Variants in A1CF observed in about 807,000 individuals in gnomAD.
A1CF encodes APOBEC-1 stimulating protein.
Under a neutral mutation model 68.9 loss-of-function variants are expected in A1CF, and 48 were observed. The observed-to-expected ratio is 0.70, with a 90% CI of 0.55 to 0.89. A1CF has a LOEUF of 0.89. Ranked by LOEUF, A1CF falls within the 40% of genes least tolerant of loss-of-function variation. The probability of loss-of-function intolerance (pLI) is 0.00; values close to 1 mark genes in which losing one functional copy is unlikely to be tolerated. For synonymous variants in A1CF, 272 were observed against 260.4 expected (o/e 1.04, Z -0.43); for missense variants, 653 against 718.9 (o/e 0.91, Z 1.05).
At position 50,854,080 on chromosome 10, in the gene A1CF, T is replaced by C. The variant is rs527588706; in HGVS notation, c.99+5762A>G. On this transcript the variant is annotated intron_variant, in intron 3 of 12. Transcript: ENST00000373997. The stretch of plus-strand genomic sequence containing the variant: ...AAGTTTTTTTCCATGATTTTTTTCT[T>C]TTCTTTTTTTTAACTCCTGACTGAC... Among the ~76,000 whole-genome samples, 251 of 152,104 alleles carry C rather than the reference T, an allele frequency of 1.7e-3. 3 individuals carry two copies. Among genetic ancestry groups the C allele is most frequent in the African/African-American group, 5.7e-3 (237 of 41,514 alleles).
chr10:50,873,386 C>G (rs1032888872), intron 1 of A1CF, among the ~76,000 whole-genome samples: 5 of 152,052 alleles, frequency 3.3e-5, no homozygotes, highest in Non-Finnish European at 5.9e-5. Flanking sequence ...GTAATCAAAG[C>G]CCCAAGTGCT....
rs1322480322 is a variant in A1CF, at chr10:50,802,623, T to C, written c.*4106A>G. On this transcript the variant is annotated 3_prime_UTR_variant, in exon 13 of 13. Coordinates refer to ENST00000373997, the MANE Select transcript of A1CF (RefSeq NM_014576.4). ...TGCAAGAAGAGAATAATCATGACTT[T>C]ATGTGAATATTGAGCACATAGTTCA... The C allele has an allele frequency of 6.6e-6, 1 of 152,192 alleles. No homozygotes were observed. Among genetic ancestry groups the C allele is most frequent in the African/African-American group, 2.4e-5 (1 of 41,472 alleles). The allele number at this position is 152,192 out of a possible 1,614,324, so 9.4% of individuals were successfully genotyped here.
chr10:50,833,469 T>G (rs2132417288), intron 6 of A1CF, among the ~76,000 whole-genome samples: 1 of 152,272 alleles, frequency 6.6e-6, no homozygotes, highest in South Asian at 2.1e-4. Context: ...TGTAAAGAGC[T>G]CAATAAAGGT....
At chr10:50,875,891 G>T (rs1450650947) in intron 1 of A1CF, among the ~76,000 whole-genome samples, 1 of 152,196 alleles carries the variant, frequency 6.6e-6, no homozygotes, top group African/African-American at 2.4e-5. Flanking sequence ...TAACTAGAAA[G>T]AAACAGTTCA....
chr10:50,847,116 G>C (rs892372027), intron 3 of A1CF, among the ~76,000 whole-genome samples: 6 of 152,170 alleles, frequency 3.9e-5, no homozygotes, highest in African/African-American at 1.4e-4. Flanking sequence ...TTCTCTCCTA[G>C]CTGATGTCTT....
At chr10:50,858,698 A>G (rs938975626) in intron 3 of A1CF, among the ~76,000 whole-genome samples, 3 of 152,154 alleles carry the variant, frequency 2.0e-5, no homozygotes, top group Non-Finnish European at 2.9e-5. Context: ...TCTTGATTGT[A>G]TAACATCTAT....
rs972886080 is a variant in A1CF at position 50,801,851 on chromosome 10, T to C, written c.*4878A>G. ...TTTCTAAATTGGCTATGAATTTCAT[T>C]ATTAGTGAGAGTACAAGGTTTTCTT... On this transcript the variant is annotated 3_prime_UTR_variant, in exon 13 of 13. Transcript: ENST00000373997. 2 of 152,188 alleles carry C rather than the reference T, an allele frequency of 1.3e-5. No homozygotes were observed. Among genetic ancestry groups the C allele is most frequent in the Non-Finnish European group, 2.9e-5 (2 of 68,032 alleles). 9.4% of individuals were successfully genotyped at this position (152,188 alleles called of 1,614,324 possible).
In A1CF at chr10:50,800,824, G is replaced by T. The variant is rs1294373163; in HGVS notation, c.*5905C>A. 6.6e-6 allele frequency: 1 copy of T among 152,132 alleles called. No individual in the cohort carries two copies. Among genetic ancestry groups the T allele is most frequent in the African/African-American group, 2.4e-5 (1 of 41,426 alleles). 9.4% of individuals were successfully genotyped at this position (152,132 alleles called of 1,614,324 possible). The stretch of plus-strand genomic sequence containing the variant: ...GATGTGAGGATTTTTCGTGAAGAAT[G>T]GTTGATGAACAATCATAATGATGAA... On this transcript the variant is annotated 3_prime_UTR_variant, in exon 13 of 13. Coordinates refer to ENST00000373997, the MANE Select transcript of A1CF (RefSeq NM_014576.4).
rs34190540 is a variant in A1CF, at chr10:50,806,834, G to A, written c.1656C>T (p.Leu552=). 8 of 1,613,536 alleles carry A rather than the reference G, an allele frequency of 5.0e-6. No homozygotes were observed. Among genetic ancestry groups the A allele is most frequent in the Non-Finnish European group, 6.8e-6 (8 of 1,179,694 alleles). ...NATAPVSAAQ[L]KQAVTLGQDL... ...CTTGTCCAAGGGTTACCGCTTGCTT[G>A]AGCTGGGCTGCAGACACGGGTGCAG... is the stretch of plus-strand genomic sequence containing the variant. The change falls in exon 13 of 13, where the codon CTC becomes CTT. Residue 552 remains leucine, a synonymous_variant. Coordinates refer to ENST00000373997, the MANE Select transcript of A1CF (RefSeq NM_014576.4).
At chr10:50,822,543 G>C (rs764014850) in intron 7 of A1CF, 5 of 152,072 alleles carry the variant, frequency 3.3e-5, no homozygotes, top group Non-Finnish European at 7.3e-5. Context: ...AATGATAGTC[G>C]GCCTGTAACA....
intron 3 of A1CF, chr10:50,850,581 AC>A: frequency 6.5e-7 from 1 of 1,545,402 alleles, no homozygotes; most frequent in Non-Finnish European, 8.9e-7. Context: ...AAATTAGAAA[AC>A]AAAAAGCATT....
intron 1 of A1CF, among the ~76,000 whole-genome samples, chr10:50,876,717 C>G (rs997829515): frequency 6.6e-6 from 1 of 152,148 alleles, no homozygotes. Flanking sequence ...GCATGGGCTC[C>G]CCTGAATCTC....
At chr10:50,839,144 A>G (rs2132441615) in intron 5 of A1CF, among the ~76,000 whole-genome samples, 1 of 152,314 alleles carries the variant, frequency 6.6e-6, no homozygotes, top group South Asian at 2.1e-4. Flanking sequence ...GATACTGTTA[A>G]TTATCAGTGG....
chr10:50,869,472 C>G (rs1042584396), intron 1 of A1CF, among the ~76,000 whole-genome samples: 1 of 152,006 alleles, frequency 6.6e-6, no homozygotes, highest in Non-Finnish European at 1.5e-5. Context: ...TTTATATTGC[C>G]TTACTAATGG....
At position 50,811,298 on chromosome 10, in the gene A1CF, A is replaced by G. The variant is rs10994575; in HGVS notation, c.1324-122T>C. On this transcript the variant is annotated intron_variant, in intron 10 of 12. Transcript: ENST00000373997. ...CTAGTATCTGAAGACATAAAATGCC[A>G]CATGATTTAATGACTCATAAAATTT... 8.7e-6 allele frequency: 8 copies of G among 924,586 alleles called. No homozygotes were observed. The East Asian group carries it at 1.9e-4, about 22-fold the overall frequency. 57.3% of individuals were successfully genotyped at this position (924,586 alleles called of 1,614,324 possible).
chr10:50,821,681 A>G (rs1426669640), intron 7 of A1CF, among the ~76,000 whole-genome samples: 3 of 151,898 alleles, frequency 2.0e-5, no homozygotes, highest in East Asian at 3.9e-4. Flanking sequence ...GATTACAGGC[A>G]TGCATCACCA....
chr10:50,813,195 T>C (rs551314437), intron 10 of A1CF, among the ~76,000 whole-genome samples: 27 of 152,346 alleles, frequency 1.8e-4, no homozygotes, highest in Non-Finnish European at 1.0e-4. Context: ...TGTTTTGTTT[T>C]ATTTTTAACC....
rs1263336057 is a variant in A1CF at position 50,802,001 on chromosome 10, G to A, written c.*4728C>T. On this transcript the variant is annotated 3_prime_UTR_variant, in exon 13 of 13. Transcript: ENST00000373997. ...GCATTCTATTTTCTGTATAAACATTGTTGGACAACATGGCTTTAAAAATGT... is the reference window on the plus strand; with the variant it reads ...GCATTCTATTTTCTGTATAAACATTATTGGACAACATGGCTTTAAAAATGT... The A allele has an allele frequency of 1.3e-5, 2 of 152,038 alleles. No individual in the cohort carries two copies. Among genetic ancestry groups the A allele is most frequent in the East Asian group, 3.9e-4 (2 of 5,188 alleles). The allele number at this position is 152,038 out of a possible 1,614,324, so 9.4% of individuals were successfully genotyped here.
Position 50,810,983 on chromosome 10 carries a change from T to G in A1CF, c.1460+57A>C, listed in dbSNP as rs10994573. ...TTGTTTAGATGGTGACTAAATGCAT[T>G]TAATTTATAAGTGTATCCTGCTCTA... On this transcript the variant is annotated intron_variant, in intron 11 of 12. Coordinates refer to ENST00000373997, the MANE Select transcript of A1CF (RefSeq NM_014576.4). 3.4e-3 allele frequency: 5,237 copies of G among 1,522,386 alleles called. 139 individuals carry two copies. The African/African-American group carries it at 0.061, about 18-fold the overall frequency. The allele number at this position is 1,522,386 out of a possible 1,614,324, so 94.3% of individuals were successfully genotyped here.
Sources: gnomAD v4.1 joint callset for allele counts (sites outside exome capture counted in the v4.1 genomes callset) on GRCh38, gnomAD v4.1.1 for gene constraint, MANE v1.5 for transcripts, NCBI Gene and HGNC (gene_info 2026-07-23, HGNC 2026-07-21) for gene names.